The following RHOA variants were observed in gnomAD, a reference collection of about 807,000 sequenced individuals.
RHOA encodes the protein transforming protein RhoA.
A neutral mutation model predicts 17.5 loss-of-function variants in RHOA; 3 were observed. The observed-to-expected ratio is 0.17, with a 90% CI of 0.08 to 0.44. The LOEUF (loss-of-function observed/expected upper bound fraction) is 0.44. Ranked by LOEUF, RHOA falls within the 20% of genes least tolerant of loss-of-function variation. RHOA has a pLI of 0.99. For synonymous variants in RHOA, 98 were observed against 88.4 expected (o/e 1.11, Z -0.61); for missense variants, 56 against 242.3 (o/e 0.23, Z 5.10).
At chr3:49,369,548 C>G (rs941845368) in intron 2 of RHOA, among the ~76,000 whole-genome samples, 1 of 146,532 alleles carries the variant, frequency 6.8e-6, no homozygotes, top group African/African-American at 2.5e-5. Context: ...GCCTGGGCAA[C>G]ATGGTGAAAC....
At chr3:49,371,095 C>T (rs1205437777) in intron 2 of RHOA, among the ~76,000 whole-genome samples, 2 of 152,116 alleles carry the variant, frequency 1.3e-5, no homozygotes, top group African/African-American at 4.8e-5. Flanking sequence ...ATCCCACTCT[C>T]CCGGCCCCCT....
chr3:49,389,434 C>A (rs181356012), intron 1 of RHOA, among the ~76,000 whole-genome samples: 1 of 152,128 alleles, frequency 6.6e-6, no homozygotes, highest in Non-Finnish European at 1.5e-5. Context: ...CTGAGAGGAA[C>A]CTGCTGTGCT....
chr3:49,393,724 G>GGTGCAATC (rs2048560500), intron 1 of RHOA, among the ~76,000 whole-genome samples: 1 of 132,758 alleles, frequency 7.5e-6, no homozygotes. Context: ...GTGTGTGTGT[G>GGTGCAATC]TGTGTGACAG....
intron 1 of RHOA, among the ~76,000 whole-genome samples, chr3:49,404,433 A>AAACACACACACACACACACAC (rs1553636257): frequency 1.1e-5 from 1 of 90,768 alleles, no homozygotes; most frequent in Non-Finnish European, 2.1e-5. Context: ...TCTCTAGTAA[A>AAACACACACACACACACACAC]ACACACACAC....
intron 1 of RHOA, among the ~76,000 whole-genome samples, chr3:49,404,220 T>C (rs1352494076): frequency 2.7e-5 from 4 of 150,178 alleles, no homozygotes; most frequent in Non-Finnish European, 4.4e-5. Flanking sequence ...TAAGGATACC[T>C]TGACACCAAA....
chr3:49,363,708 C>T (rs1030924359), intron 3 of RHOA, among the ~76,000 whole-genome samples: 11 of 151,830 alleles, frequency 7.2e-5, no homozygotes, highest in Admixed American at 3.3e-4. Context: ...TAAAATTAGC[C>T]GGGCGCAGTG....
intron 1 of RHOA, among the ~76,000 whole-genome samples, chr3:49,405,257 CAAAA>C (rs56912055): frequency 9.1e-6 from 1 of 110,020 alleles, no homozygotes; most frequent in Non-Finnish European, 1.7e-5. Context: ...GACTGTGTCT[CAAAA>C]AAAAAAAAAA....
At chr3:49,406,906 G>A (rs2107911648) in intron 1 of RHOA, 1 of 152,308 alleles carries the variant, frequency 6.6e-6, no homozygotes, top group East Asian at 1.9e-4. Flanking sequence ...GGAGGCCAAG[G>A]TGGGTGGGTC....
intron 1 of RHOA, among the ~76,000 whole-genome samples, chr3:49,378,135 C>T (rs1260737710): frequency 2.2e-5 from 3 of 138,474 alleles, no homozygotes; most frequent in African/African-American, 8.2e-5. Flanking sequence ...GGCAACAGAG[C>T]ACTCCAGCCT....
chr3:49,395,413 T>G (rs1288945365), intron 1 of RHOA, among the ~76,000 whole-genome samples: 1 of 151,756 alleles, frequency 6.6e-6, no homozygotes, highest in Non-Finnish European at 1.5e-5. Flanking sequence ...CTGTAATTAA[T>G]AGAGAAACAA....
chr3:49,359,352 T>A lies in RHOA; in HGVS notation c.*857A>T, dbSNP rs1205490941. The A allele has an allele frequency of 5.3e-6, 1 of 188,498 alleles. No individual in the cohort carries two copies. The highest frequency in any genetic ancestry group is 2.3e-5 in the African/African-American group (1 of 42,754). The allele number at this position is 188,498 out of a possible 1,614,324, so 11.7% of individuals were successfully genotyped here. On this transcript the variant is annotated 3_prime_UTR_variant, in exon 5 of 5. Transcript: ENST00000418115. Reference sequence around the variant, plus strand: ...CCAGGTGAGACAGGTTATGCCATCTTCCAAAGTGTCTAATTGCCTCAGGCG... The same window carrying A: ...CCAGGTGAGACAGGTTATGCCATCTACCAAAGTGTCTAATTGCCTCAGGCG...
intron 3 of RHOA, among the ~76,000 whole-genome samples, chr3:49,366,143 C>G (rs1266406390): frequency 6.6e-6 from 1 of 152,138 alleles, no homozygotes; most frequent in East Asian, 1.9e-4. Flanking sequence ...ATAACGAGGG[C>G]AAAGGCACAC....
At chr3:49,387,752 A>C (rs116333281) in intron 1 of RHOA, among the ~76,000 whole-genome samples, 108 of 134,720 alleles carry the variant, frequency 8.0e-4, no homozygotes, top group Non-Finnish European at 1.4e-3. Context: ...AAAAAAAAAA[A>C]CAAAAAAAAA....
At chr3:49,378,308 G>A (rs1489119759) in intron 1 of RHOA, among the ~76,000 whole-genome samples, 3 of 128,296 alleles carry the variant, frequency 2.3e-5, no homozygotes, top group Non-Finnish European at 4.6e-5. Context: ...ATGCAGTGGC[G>A]TGATCTTGGC....
chr3:49,402,962 G>A (rs1381865191), intron 1 of RHOA, among the ~76,000 whole-genome samples: 5 of 151,264 alleles, frequency 3.3e-5, no homozygotes, highest in East Asian at 2.0e-4. Flanking sequence ...GCTTGAACCC[G>A]AGAGGCGGAG....
intron 1 of RHOA, among the ~76,000 whole-genome samples, chr3:49,384,267 G>A (rs1362121357): frequency 6.6e-6 from 1 of 152,094 alleles, no homozygotes; most frequent in Non-Finnish European, 1.5e-5. Context: ...GAAAAACGCA[G>A]GAGAAATTTT....
chr3:49,398,178 C>T lies in RHOA; in HGVS notation c.-3+13642G>A, dbSNP rs1019305176. Among the ~76,000 whole-genome samples the T allele has an allele frequency of 6.0e-5, 9 of 150,480 alleles. No homozygotes were observed. In the South Asian group the frequency reaches 1.3e-3, roughly 21 times the overall value. ...GAGTTTGAGACCACCCCGGCCAACA[C>T]GGTGAAACCCCATCTCTACTAAAGT... is the stretch of plus-strand genomic sequence containing the variant. On this transcript the variant is annotated intron_variant, in intron 1 of 4. Transcript: ENST00000418115.
chr3:49,408,187 TATACACACACAC>T (rs2048868355), intron 1 of RHOA, among the ~76,000 whole-genome samples: 2 of 151,188 alleles, frequency 1.3e-5, no homozygotes, highest in Admixed American at 1.3e-4. Flanking sequence ...AATATATATA[TATACACACACAC>T]ATACACACAC....
At chr3:49,372,551 G>T (rs1229877150) in intron 2 of RHOA, among the ~76,000 whole-genome samples, 1 of 151,984 alleles carries the variant, frequency 6.6e-6, no homozygotes, top group South Asian at 2.1e-4. Context: ...TGGCTAACAC[G>T]GTGAAACCCT....
Sources: allele counts gnomAD v4.1 joint callset (sites outside exome capture counted in the v4.1 genomes callset), GRCh38; gene constraint gnomAD v4.1.1; transcripts MANE v1.5; gene names NCBI Gene and HGNC (gene_info 2026-07-23, HGNC 2026-07-21).